Variants in RBM19 observed in about 807,000 individuals in gnomAD.
RBM19 encodes the protein probable RNA-binding protein 19.
In RBM19, 94 loss-of-function variants were observed where a neutral mutation model predicts 116.8. The ratio of observed to expected loss-of-function variants is 0.80; its 90% CI spans 0.68 to 0.95. The LOEUF is 0.95. RBM19 is among the 40% of genes least tolerant of loss of function. The pLI is 0.00. For missense variants in RBM19, 1,161 were observed against 1,220.7 expected (o/e 0.95, Z 0.73); for synonymous variants, 475 against 494.1 (o/e 0.96, Z 0.51).
intron 23 of RBM19, among the ~76,000 whole-genome samples, chr12:113,830,846 G>C (rs1875350466): frequency 6.6e-6 from 1 of 152,196 alleles, no homozygotes; most frequent in Admixed American, 6.5e-5. Flanking sequence ...TAGGCCCTGG[G>C]TTGGAAAGCA....
At chr12:113,839,084 G>A (rs1017650420) in intron 23 of RBM19, among the ~76,000 whole-genome samples, 8 of 152,374 alleles carry the variant, frequency 5.3e-5, no homozygotes, top group Middle Eastern at 3.4e-3. Context: ...GTCTCCACCT[G>A]AGATCTGAGT....
At chr12:113,874,602 G>C (rs1360528411) in intron 21 of RBM19, among the ~76,000 whole-genome samples, 2 of 152,220 alleles carry the variant, frequency 1.3e-5, no homozygotes, top group African/African-American at 2.4e-5. Context: ...ACAGTAACCA[G>C]CTTCAGCCCT....
chr12:113,939,861 G>A, intron 15 of RBM19, 99 bp downstream of exon 15: 8 of 1,316,080 alleles, frequency 6.1e-6, no homozygotes, highest in South Asian at 1.3e-5. Flanking sequence ...GAGCTCCCAT[G>A]TGCCACATCT....
rs1326410980 is a variant in RBM19, at chr12:113,903,784, A to G, written c.2558+11185T>C. Among the ~76,000 whole-genome samples, 2 of 152,296 alleles carry G rather than the reference A, an allele frequency of 1.3e-5. No individual in the cohort carries two copies. The highest frequency in any genetic ancestry group is 2.4e-5 in the African/African-American group (1 of 41,558). On this transcript the variant is annotated intron_variant, in intron 21 of 23. Coordinates refer to ENST00000261741, the MANE Select transcript of RBM19 (RefSeq NM_016196.4). This position sits in a 1 kb window ranked among gnomAD's most constrained non-coding sequence, Gnocchi z 5.1. ...TTCCTTTTGTAGGCTGGCCAACCCT[A>G]TATCAGATCTTCTATCTTGATATAA...
chr12:113,935,897 G>T (rs188788674), intron 16 of RBM19, among the ~76,000 whole-genome samples: 1 of 152,198 alleles, frequency 6.6e-6, no homozygotes, highest in East Asian at 1.9e-4. Flanking sequence ...TTAGCCAGGC[G>T]TGGTGGTGGG....
chr12:113,876,047 G>A (rs1242537695), intron 21 of RBM19, among the ~76,000 whole-genome samples: 1 of 152,178 alleles, frequency 6.6e-6, no homozygotes, highest in African/African-American at 2.4e-5. Flanking sequence ...GGAATTTATT[G>A]TTAGAGGAAA....
chr12:113,962,889 G>A (rs533551312), intron 1 of RBM19, among the ~76,000 whole-genome samples: 1 of 152,314 alleles, frequency 6.6e-6, no homozygotes, highest in East Asian at 1.9e-4. Context: ...CTTGTCAGGT[G>A]TGACTGATAT....
downstream of RBM19, among the ~76,000 whole-genome samples, chr12:113,821,016 G>A (rs1387986435): frequency 6.6e-6 from 1 of 152,182 alleles, no homozygotes; most frequent in African/African-American, 2.4e-5. Context: ...CAGCTGCCTG[G>A]GCCTGATAAC....
At chr12:113,854,154 A>G (rs1022231402) in intron 22 of RBM19, among the ~76,000 whole-genome samples, 8 of 144,146 alleles carry the variant, frequency 5.5e-5, no homozygotes, top group African/African-American at 1.8e-4. Flanking sequence ...TGTCCCTTTG[A>G]GCCTTGGTTT....
chr12:113,885,450 G>C (rs1391293258), intron 21 of RBM19, among the ~76,000 whole-genome samples: 1 of 152,162 alleles, frequency 6.6e-6, no homozygotes, highest in African/African-American at 2.4e-5. Flanking sequence ...GGAATGTAAC[G>C]TGTGGTTCTG....
chr12:113,823,324 G>A lies in RBM19; in HGVS notation c.2786-3C>T. On this transcript the variant is annotated splice_region_variant and splice_polypyrimidine_tract_variant and intron_variant, in intron 23 of 23. Coordinates refer to ENST00000261741, the MANE Select transcript of RBM19 (RefSeq NM_016196.4). Reference sequence around the variant, plus strand: ...AGACCGCTTTTTCTTCGGGGGCTCTGTGGGAGCCCAGATGGCAAGAGAGGA... The same window carrying A: ...AGACCGCTTTTTCTTCGGGGGCTCTATGGGAGCCCAGATGGCAAGAGAGGA... The A allele has an allele frequency of 6.2e-7, 1 of 1,612,212 alleles. No individual in the cohort carries two copies. Among genetic ancestry groups the A allele is most frequent in the Non-Finnish European group, 8.5e-7 (1 of 1,179,626 alleles).
chr12:113,839,078 C>T (rs1262843678), intron 23 of RBM19, among the ~76,000 whole-genome samples: 1 of 152,240 alleles, frequency 6.6e-6, no homozygotes, highest in African/African-American at 2.4e-5. Context: ...TCGGCAGTCT[C>T]CACCTGAGAT....
chr12:113,890,778 G>T (rs1271248464), intron 21 of RBM19, among the ~76,000 whole-genome samples: 1 of 152,172 alleles, frequency 6.6e-6, no homozygotes, highest in Non-Finnish European at 1.5e-5. Context: ...AATGCAAATG[G>T]ATGTGCCTGT....
At chr12:113,960,310 A>T in intron 2 of RBM19, 132 bp from the exon 3 acceptor site, 2 of 1,170,718 alleles carry the variant, frequency 1.7e-6, no homozygotes, top group East Asian at 2.5e-5. Context: ...AGTAGATTAC[A>T]CGTCACCCCT....
chr12:113,884,632 C>G (rs1409583910), intron 21 of RBM19, among the ~76,000 whole-genome samples: 2 of 152,150 alleles, frequency 1.3e-5, no homozygotes, highest in African/African-American at 4.8e-5. Context: ...ATCTTGGCTT[C>G]TAAGTACCAT....
chr12:113,953,402 C>A (rs1300301223), intron 7 of RBM19, among the ~76,000 whole-genome samples: 1 of 152,184 alleles, frequency 6.6e-6, no homozygotes, highest in African/African-American at 2.4e-5. Context: ...GCAGGAGAAT[C>A]ACTTGAACCC....
chr12:113,873,805 G>C (rs1565989848), intron 21 of RBM19, among the ~76,000 whole-genome samples: 1 of 152,208 alleles, frequency 6.6e-6, no homozygotes, highest in Non-Finnish European at 1.5e-5. Context: ...TCACTTACTG[G>C]GGAAACCCCT....
intron 16 of RBM19, chr12:113,927,507 T>C (rs1593599164): frequency 2.9e-6 from 1 of 346,908 alleles, no homozygotes; most frequent in East Asian, 4.3e-5. Flanking sequence ...CAGCTCACAC[T>C]AATTTGAACT....
chr12:113,906,602 C>T (rs1210153061), intron 21 of RBM19, among the ~76,000 whole-genome samples: 5 of 152,164 alleles, frequency 3.3e-5, no homozygotes, highest in South Asian at 2.1e-4. Context: ...CTTTTCTGCA[C>T]GCATGCTAGC....
Sources: allele counts gnomAD v4.1 joint callset (sites outside exome capture counted in the v4.1 genomes callset), GRCh38; gene constraint gnomAD v4.1.1; non-coding constraint Gnocchi (gnomAD v3.1); transcripts MANE v1.5; gene names NCBI Gene and HGNC (gene_info 2026-07-23, HGNC 2026-07-21).